Variants in POM121 observed in about 807,000 individuals in gnomAD.
The protein encoded by POM121 is nuclear envelope pore membrane protein POM 121.
In POM121, 32 loss-of-function variants were observed where a neutral mutation model predicts 81.3. The observed-to-expected ratio is 0.39, with a 90% CI of 0.30 to 0.53. The LOEUF is 0.53. POM121 is among the 20% of genes least tolerant of loss of function. The pLI, the probability that POM121 is intolerant of heterozygous loss-of-function variation, is 0.66. For missense variants in POM121, 1,138 were observed against 1,614.6 expected, an observed-to-expected ratio of 0.70 and a Z score of 5.06; for synonymous variants, 514 against 694.2, an observed-to-expected ratio of 0.74 and a Z score of 4.08.
intron 3 of POM121, among the ~76,000 whole-genome samples, chr7:72,900,914 T>C (rs1394505272): frequency 6.6e-6 from 1 of 152,004 alleles, no homozygotes; most frequent in Non-Finnish European, 1.5e-5. Context: ...TTTTTTTTAT[T>C]ATTGCTTCTT....
intron 3 of POM121, among the ~76,000 whole-genome samples, chr7:72,901,840 C>G (rs1251180596): frequency 9.3e-5 from 14 of 150,980 alleles, no homozygotes; most frequent in Non-Finnish European, 2.1e-4. Context: ...AGGCTGGGCA[C>G]GGTGGCTCAC....
At chr7:72,888,057 T>C (rs1470195479) in intron 1 of POM121, among the ~76,000 whole-genome samples, 1 of 152,154 alleles carries the variant, frequency 6.6e-6, no homozygotes, top group East Asian at 1.9e-4. Context: ...AGAGACAGGG[T>C]CTTGCTATGT....
At chr7:72,934,595 C>T (rs1432277414) in intron 5 of POM121, among the ~76,000 whole-genome samples, 5 of 152,064 alleles carry the variant, frequency 3.3e-5, no homozygotes, top group Non-Finnish European at 7.4e-5. Flanking sequence ...CTTCTAGAAG[C>T]TTTATTATTT....
intron 1 of POM121, among the ~76,000 whole-genome samples, chr7:72,883,323 AC>A (rs1347903964): frequency 2.6e-5 from 4 of 152,218 alleles, no homozygotes; most frequent in African/African-American, 9.6e-5. Context: ...GGCGTGAGCC[AC>A]TGCTCCCGGC....
chr7:72,909,447 T>C (rs1369200008), intron 3 of POM121, among the ~76,000 whole-genome samples: 2 of 152,220 alleles, frequency 1.3e-5, no homozygotes, highest in Non-Finnish European at 2.9e-5. Flanking sequence ...AACTTTATCC[T>C]GGACACTTTG....
At chr7:72,900,607 C>T (rs1455504776) in intron 3 of POM121, among the ~76,000 whole-genome samples, 4 of 152,026 alleles carry the variant, frequency 2.6e-5, no homozygotes, top group African/African-American at 7.2e-5. Context: ...TGGGTTCAAG[C>T]GATTCTCTTA....
chr7:72,927,425 C>T (rs1430735698), intron 3 of POM121, among the ~76,000 whole-genome samples: 3 of 152,124 alleles, frequency 2.0e-5, no homozygotes, highest in African/African-American at 7.2e-5. Flanking sequence ...AAACCAATTT[C>T]CTGGCAGGGC....
chr7:72,943,511 C>T lies in POM121; in HGVS notation c.3518C>T (p.Pro1173Leu). 6.2e-7 allele frequency: 1 copy of T among 1,612,056 alleles called. No homozygotes were observed. Among genetic ancestry groups the T allele is most frequent in the South Asian group, 1.1e-5 (1 of 90,938 alleles). ...GTGAGCAGCACAACTGAGAGCAAAC[C>T]TGTGTTTGGAGGTAAGGAGGGGCGT... ...FNVSSTTESK[P>L]VFGGTATPTF... The change falls in exon 11 of 13, where the codon CCT becomes CTT. Residue 1173 changes from proline to leucine, a missense_variant. Pro to Leu is a moderately conservative substitution (Grantham distance 98, BLOSUM62 -3). Transcript: ENST00000434423.
chr7:72,950,260 C>G (rs1230452974), downstream of POM121: 345 of 1,491,954 alleles, frequency 2.3e-4, 1 homozygote, highest in Non-Finnish European at 3.0e-4. Context: ...CCTATTTCAA[C>G]GGTCCATTCA....
chr7:72,945,331 AGGT>A (rs1554502873), intron 11 of POM121, among the ~76,000 whole-genome samples: 1 of 151,684 alleles, frequency 6.6e-6, no homozygotes, highest in Non-Finnish European at 1.5e-5. Flanking sequence ...GAGGCCCACG[AGGT>A]GGCTGCGGGG....
intron 4 of POM121, among the ~76,000 whole-genome samples, chr7:72,929,005 C>T (rs1458532200): frequency 6.6e-6 from 1 of 152,216 alleles, no homozygotes; most frequent in South Asian, 2.1e-4. Context: ...CGTAGTTCTG[C>T]TCACTGTCCG....
At chr7:72,948,578 C>G, downstream of POM121, 1 of 1,612,466 alleles carries the variant, frequency 6.2e-7, no homozygotes. Flanking sequence ...GGTGCTGATG[C>G]TTTGGCCTGT....
At chr7:72,917,880 G>A (rs1359223974) in intron 4 of POM121, among the ~76,000 whole-genome samples, 1 of 152,210 alleles carries the variant, frequency 6.6e-6, no homozygotes, top group African/African-American at 2.4e-5. Context: ...AAAGGGGCAG[G>A]GTAAAGAGTG....
intron 1 of POM121, among the ~76,000 whole-genome samples, chr7:72,881,012 T>C (rs6968405): frequency 0.096 from 8,712 of 90,692 alleles, 1,722 homozygotes; most frequent in African/African-American, 0.28. Flanking sequence ...GTCTAACTCA[T>C]CTAATTACTA....
In POM121 at chr7:72,948,113, C is replaced by A; in HGVS notation, c.*1879C>A. ...CAGTTCCGCAGGCAGGACAGCCGGT[C>A]CGGGAACCCTGAGTGAGAATGAGTG... On this transcript the variant is annotated 3_prime_UTR_variant, in exon 13 of 13. Coordinates refer to ENST00000434423, the MANE Select transcript of POM121 (RefSeq NM_001387691.1). 1.4e-6 allele frequency: 2 copies of A among 1,386,120 alleles called. No homozygotes were observed. The highest frequency in any genetic ancestry group is 1.9e-6 in the Non-Finnish European group (2 of 1,071,458). 85.9% of individuals were successfully genotyped at this position (1,386,120 alleles called of 1,614,324 possible).
intron 11 of POM121, 49 bp downstream of exon 11, chr7:72,943,571 G>C (rs1797355740): frequency 6.3e-7 from 1 of 1,580,318 alleles, no homozygotes; most frequent in Admixed American, 1.8e-5. Flanking sequence ...CTGAAAAGCT[G>C]TGCCTGCGAA....
chr7:72,925,339 C>G lies in POM121; in HGVS notation c.218C>G (p.Pro73Arg). 6.5e-7 allele frequency: 1 copy of G among 1,534,338 alleles called. No individual in the cohort carries two copies. Among genetic ancestry groups the G allele is most frequent in the South Asian group, 1.2e-5 (1 of 83,988 alleles). ...GCCTGGTGGGGACTGAGCCGCGAGC[C>G]CCGAGGTTCGCGCCCCTTGTCCTCC... Reference protein sequence around the residue: ...TAAWWGLSREPRGSRPLSSFV... With the variant: ...TAAWWGLSRERRGSRPLSSFV... The change falls in exon 1 of 13, where the codon CCC becomes CGC. Residue 73 changes from proline (P) to arginine (R), a missense_variant. Physicochemically the swap from Pro to Arg is moderately radical, Grantham distance 103. Coordinates refer to ENST00000434423, the MANE Select transcript of POM121 (RefSeq NM_001387691.1).
upstream of POM121, among the ~76,000 whole-genome samples, chr7:72,923,124 C>T (rs563516468): frequency 6.1e-4 from 80 of 132,178 alleles, no homozygotes; most frequent in African/African-American, 7.4e-4. Context: ...CCCCCCCCCC[C>T]TTTTTTTTTC....
rs538081139 is a variant in POM121, at chr7:72,942,139, C to T, written c.2146C>T (p.Pro716Ser). The T allele has an allele frequency of 2.4e-5, 38 of 1,608,922 alleles. No homozygotes were observed. In the Admixed American group the frequency reaches 6.2e-4, roughly 26 times the overall value. ...AACACAGAACACCTCACCTTCCAGC[C>T]CTGCCGCCCCTGCTGCATCTTCAGC... ...FGTQNTSPSS[P>S]AAPAASSAPP... The change falls in exon 11 of 13, where the codon CCT becomes TCT. Residue 716 changes from proline (P) to serine (S), a missense_variant. By Grantham distance (74) the Pro-to-Ser change is moderately conservative. This residue lies in a region of POM121 where 37 missense variants were observed against 62.8 expected (regional missense o/e 0.59). Coordinates refer to ENST00000434423, the MANE Select transcript of POM121 (RefSeq NM_001387691.1).
Sources: allele counts gnomAD v4.1 joint callset (sites outside exome capture counted in the v4.1 genomes callset), GRCh38; gene constraint gnomAD v4.1.1; regional missense constraint gnomAD v4.1.1; transcripts MANE v1.5; gene names NCBI Gene and HGNC (gene_info 2026-07-23, HGNC 2026-07-21).